Variants in CHRM5 observed in about 807,000 individuals in gnomAD.
The protein encoded by CHRM5 is muscarinic acetylcholine receptor M5.
Under a neutral mutation model 39.0 loss-of-function variants are expected in CHRM5, and 18 were observed. The observed-to-expected ratio is 0.46, with a 90% confidence interval of 0.32 to 0.68. The LOEUF (loss-of-function observed/expected upper bound fraction) is 0.68. Ranked by LOEUF, CHRM5 falls within the 30% of genes least tolerant of loss-of-function variation. CHRM5 has a pLI of 0.04. For synonymous variants in CHRM5, 241 were observed against 246.3 expected (o/e 0.98, Z 0.20); for missense variants, 515 against 651.1 (o/e 0.79, Z 2.28).
intron 1 of CHRM5, among the ~76,000 whole-genome samples, chr15:34,044,156 C>T (rs78814772): frequency 0.017 from 2,633 of 152,112 alleles, 74 homozygotes; most frequent in African/African-American, 0.061. Context: ...CATTTCTCTA[C>T]TCCTTTTTAT....
At chr15:33,978,914 G>C (rs1022010575) in intron 1 of CHRM5, among the ~76,000 whole-genome samples, 7 of 130,388 alleles carry the variant, frequency 5.4e-5, no homozygotes, top group African/African-American at 1.8e-4. Context: ...AGAGGAAAGA[G>C]ATGTATGTCC....
intron 1 of CHRM5, among the ~76,000 whole-genome samples, chr15:34,020,896 A>G (rs1358589852): frequency 6.6e-6 from 1 of 152,208 alleles, no homozygotes; most frequent in Non-Finnish European, 1.5e-5. Flanking sequence ...ACCTACCAAA[A>G]TTCTCTTCCT....
At chr15:33,979,801 G>T (rs1157926967) in intron 1 of CHRM5, among the ~76,000 whole-genome samples, 1 of 152,186 alleles carries the variant, frequency 6.6e-6, no homozygotes, top group African/African-American at 2.4e-5. Flanking sequence ...ACACTAAGGA[G>T]CTCCAGTGGT....
At chr15:34,041,411 A>G (rs1899472675) in intron 1 of CHRM5, among the ~76,000 whole-genome samples, 1 of 152,202 alleles carries the variant, frequency 6.6e-6, no homozygotes, top group African/African-American at 2.4e-5. Context: ...AATGTCTGGT[A>G]TGAGATTAAT....
At chr15:33,986,909 G>C (rs994987638) in intron 1 of CHRM5, among the ~76,000 whole-genome samples, 1 of 152,032 alleles carries the variant, frequency 6.6e-6, no homozygotes, top group Non-Finnish European at 1.5e-5. Flanking sequence ...CGCCCACCTC[G>C]GCCTCCCAAA....
chr15:34,007,283 AAAATGAAAAAATG>A (rs1209499086), intron 1 of CHRM5, among the ~76,000 whole-genome samples: 1 of 152,238 alleles, frequency 6.6e-6, no homozygotes, highest in Non-Finnish European at 1.5e-5. Context: ...CTGCAGAATG[AAAATGAAAAAATG>A]AAATAAAAAA....
Position 34,065,885 on chromosome 15 carries a change from T to C in CHRM5, c.*1569T>C, listed in dbSNP as rs543624. ...TAAAAATCACCAGACTTCATGCGTC[T>C]TAGTGTAGGCCGGGTCCTTTTCAGT... is the stretch of plus-strand genomic sequence containing the variant. On this transcript the variant is annotated 3_prime_UTR_variant, in exon 3 of 3. Coordinates refer to ENST00000383263, the MANE Select transcript of CHRM5 (RefSeq NM_012125.4). 72,052 of 151,946 alleles carry C rather than the reference T, an allele frequency of 0.47. 20,632 individuals are homozygous for C. Among genetic ancestry groups the C allele is most frequent in the Non-Finnish European group, 0.65 (43,809 of 67,892 alleles). The allele number at this position is 151,946 out of a possible 1,614,324, so 9.4% of individuals were successfully genotyped here.
chr15:33,974,713 C>T (rs1164219084), intron 1 of CHRM5, among the ~76,000 whole-genome samples: 2 of 152,220 alleles, frequency 1.3e-5, no homozygotes, highest in Admixed American at 6.5e-5. Flanking sequence ...TGGCTCACGC[C>T]TGTAATCCCA....
rs1298086346 is a variant in CHRM5, at chr15:34,062,532, G to A, written c.-75-111G>A. On this transcript the variant is annotated intron_variant, in intron 2 of 2. Coordinates refer to ENST00000383263, the MANE Select transcript of CHRM5 (RefSeq NM_012125.4). The stretch of plus-strand genomic sequence containing the variant: ...ATCGCACCACTGCACTCCAGCCTGG[G>A]TGACAAAGCGAGATTCTGTCTCAAA... The A allele has an allele frequency of 1.4e-5, 8 of 572,706 alleles. No homozygotes were observed. The African/African-American group carries it at 1.4e-4, about 10-fold the overall frequency. 35.5% of individuals were successfully genotyped at this position (572,706 alleles called of 1,614,324 possible).
chr15:33,969,794 G>C (rs77805374), intron 1 of CHRM5, among the ~76,000 whole-genome samples: 1 of 151,996 alleles, frequency 6.6e-6, no homozygotes, highest in South Asian at 2.1e-4. Flanking sequence ...AAAGATGTCT[G>C]GTACCTTAAA....
At chr15:34,011,079 C>T (rs911742638) in intron 1 of CHRM5, among the ~76,000 whole-genome samples, 3 of 152,048 alleles carry the variant, frequency 2.0e-5, no homozygotes, top group Admixed American at 1.3e-4. Flanking sequence ...ATAATACCTG[C>T]ACTTTGGGAG....
intron 1 of CHRM5, among the ~76,000 whole-genome samples, chr15:34,026,789 C>T (rs1255838605): frequency 1.3e-5 from 2 of 152,098 alleles, no homozygotes; most frequent in East Asian, 1.9e-4. Flanking sequence ...AAGTAAGTCG[C>T]TCACATTAAA....
In CHRM5 at chr15:34,062,819, A is replaced by C; in HGVS notation, c.102A>C (p.Ala34=). The C allele has an allele frequency of 6.2e-7, 1 of 1,614,224 alleles. No homozygotes were observed. Among genetic ancestry groups the C allele is most frequent in the Non-Finnish European group, 8.5e-7 (1 of 1,180,038 alleles). Residue 34 remains alanine (A), a synonymous_variant, in exon 3 of 3, where the codon GCA becomes GCC. Coordinates refer to ENST00000383263, the MANE Select transcript of CHRM5 (RefSeq NM_012125.4). ...RHRLWEVITI[A]AVTAVVSLIT... ...GGTTGTGGGAAGTCATCACCATTGC[A>C]GCTGTGACTGCTGTGGTAAGCCTGA...
intron 2 of CHRM5, among the ~76,000 whole-genome samples, chr15:34,055,686 A>G (rs954046299): frequency 4.6e-5 from 7 of 152,004 alleles, no homozygotes; most frequent in African/African-American, 1.7e-4. Flanking sequence ...CTGTAGCCCC[A>G]GCTACTCAGG....
At chr15:33,986,159 T>G (rs1193966663) in intron 1 of CHRM5, among the ~76,000 whole-genome samples, 1 of 151,936 alleles carries the variant, frequency 6.6e-6, no homozygotes, top group African/African-American at 2.4e-5. Flanking sequence ...CAGGCTGGAG[T>G]GCAGTGGCGC....
chr15:34,052,506 G>T (rs1899962892), intron 2 of CHRM5, among the ~76,000 whole-genome samples: 1 of 152,176 alleles, frequency 6.6e-6, no homozygotes, highest in Non-Finnish European at 1.5e-5. Context: ...GGGCAATCAG[G>T]CAAGAGAAAG....
intron 1 of CHRM5, among the ~76,000 whole-genome samples, chr15:33,981,351 C>T (rs889931859): frequency 5.3e-5 from 8 of 152,086 alleles, no homozygotes; most frequent in South Asian, 2.1e-4. Flanking sequence ...ATATTTTTTC[C>T]GGACTTTTCA....
At chr15:34,050,789 A>C (rs1305282178) in intron 2 of CHRM5, among the ~76,000 whole-genome samples, 1 of 152,234 alleles carries the variant, frequency 6.6e-6, no homozygotes. Flanking sequence ...TCAATTCAAC[A>C]AGAAGAGCTA....
chr15:34,061,218 T>A (rs932675325), intron 2 of CHRM5, among the ~76,000 whole-genome samples: 4 of 152,140 alleles, frequency 2.6e-5, no homozygotes, highest in African/African-American at 9.7e-5. Flanking sequence ...TTCTACAATT[T>A]ACCCTTTAGT....
Sources: allele counts gnomAD v4.1 joint callset (sites outside exome capture counted in the v4.1 genomes callset), GRCh38; gene constraint gnomAD v4.1.1; transcripts MANE v1.5; gene names NCBI Gene and HGNC (gene_info 2026-07-23, HGNC 2026-07-21).